LNP1: variants seen among roughly 807,000 people sequenced by gnomAD.
LNP1 encodes leukemia NUP98 fusion partner 1.
A neutral mutation model predicts 14.5 loss-of-function variants in LNP1; 12 were observed. The observed-to-expected ratio is 0.83, with a 90% CI of 0.53 to 1.34. The LOEUF is 1.34. LNP1 is among the 40% of genes most tolerant of loss of function. The pLI is 0.00. For missense variants in LNP1, 198 were observed against 210.9 expected (o/e 0.94, Z 0.38); for synonymous variants, 75 against 71.4 (o/e 1.05, Z -0.26).
intron 1 of LNP1, among the ~76,000 whole-genome samples, chr3:100,428,634 G>GA (rs1707216315): frequency 6.6e-6 from 1 of 151,618 alleles, no homozygotes; most frequent in South Asian, 2.1e-4. Context: ...TCTTTACTTT[G>GA]AAAAAAATGC....
At chr3:100,418,858 T>C (rs2148900975) in intron 1 of LNP1, among the ~76,000 whole-genome samples, 1 of 152,358 alleles carries the variant, frequency 6.6e-6, no homozygotes, top group South Asian at 2.1e-4. Context: ...ACAGGCTTTT[T>C]GTACTCACTC....
chr3:100,405,338 TG>T (rs1450081199), intron 1 of LNP1, among the ~76,000 whole-genome samples: 3 of 152,238 alleles, frequency 2.0e-5, no homozygotes, highest in Non-Finnish European at 4.4e-5. Flanking sequence ...TTCATATAAG[TG>T]AAAACTCCTA....
intron 2 of LNP1, 114 bp downstream of exon 2, chr3:100,429,999 ACTTCTGAGT>A: frequency 9.4e-7 from 1 of 1,060,500 alleles, no homozygotes. Context: ...TAAAACCAGT[ACTTCTGAGT>A]CTTTCTCATA....
At position 100,403,412 on chromosome 3, in the gene LNP1, T is replaced by C. The variant is rs572796809; in HGVS notation, c.-34+973T>C. ...AAGCTTTCTTCACCTTTGATCTGTA[T>C]CTTAGGAGGCAGTTAAATGAGATAG... is the stretch of plus-strand genomic sequence containing the variant. On this transcript the variant is annotated intron_variant, in intron 1 of 3. Transcript: ENST00000383693. Among the ~76,000 whole-genome samples, 32 of 152,264 alleles carry C rather than the reference T, an allele frequency of 2.1e-4. 1 individual carries two copies. The South Asian group carries it at 5.8e-3, about 28-fold the overall frequency.
intron 1 of LNP1, among the ~76,000 whole-genome samples, chr3:100,428,004 A>G (rs548273767): frequency 5.9e-5 from 9 of 152,364 alleles, no homozygotes; most frequent in African/African-American, 2.2e-4. Context: ...GGATTTTCGT[A>G]GGGCAAATGG....
chr3:100,439,131 A>G (rs1476301834), intron 2 of LNP1, among the ~76,000 whole-genome samples: 1 of 151,996 alleles, frequency 6.6e-6, no homozygotes, highest in East Asian at 1.9e-4. Flanking sequence ...TTGTGATCAA[A>G]CTCTTGCCAT....
At position 100,453,888 on chromosome 3, in the gene LNP1, C is replaced by G. The variant is rs148114244; in HGVS notation, c.388-1889C>G. Among the ~76,000 whole-genome samples the G allele has an allele frequency of 1.1e-3, 162 of 152,062 alleles. 1 individual carries two copies. Among genetic ancestry groups the G allele is most frequent in the African/African-American group, 3.7e-3 (155 of 41,488 alleles). On this transcript the variant is annotated intron_variant, in intron 3 of 3. Coordinates refer to ENST00000383693, the MANE Select transcript of LNP1 (RefSeq NM_001085451.2). The stretch of plus-strand genomic sequence containing the variant: ...CATAAACCTTACTTATATTTTTTTG[C>G]CAGTTGTCCCAATAATATTCTTTAT...
chr3:100,452,500 C>G (rs1255890610), intron 3 of LNP1, among the ~76,000 whole-genome samples: 1 of 152,092 alleles, frequency 6.6e-6, no homozygotes, highest in Non-Finnish European at 1.5e-5. Context: ...AGCCACCACA[C>G]CCAGCCCCCT....
chr3:100,426,078 T>C (rs1707189901), intron 1 of LNP1, among the ~76,000 whole-genome samples: 1 of 152,256 alleles, frequency 6.6e-6, no homozygotes, highest in Non-Finnish European at 1.5e-5. Context: ...CTCTGTGATG[T>C]GCTCTCCCCT....
At position 100,449,744 on chromosome 3, in the gene LNP1, C is replaced by A. The variant is rs911846956; in HGVS notation, c.157-1975C>A. ...TATACACACACATCTTGAATGTTAG[C>A]TTTTAATTAAGCTTACTTTAGTCAT... On this transcript the variant is annotated intron_variant, in intron 2 of 3. Transcript: ENST00000383693. 1.2e-4 allele frequency among the ~76,000 whole-genome samples: 19 copies of A among 152,104 alleles called. 1 individual carries two copies. Among genetic ancestry groups the A allele is most frequent in the African/African-American group, 4.1e-4 (17 of 41,416 alleles).
intron 1 of LNP1, among the ~76,000 whole-genome samples, chr3:100,415,462 A>G (rs750371610): frequency 6.6e-6 from 1 of 152,214 alleles, no homozygotes; most frequent in Non-Finnish European, 1.5e-5. Flanking sequence ...CAATATTGGC[A>G]ACAGTTTTTA....
intron 2 of LNP1, among the ~76,000 whole-genome samples, chr3:100,450,170 T>C (rs1369835575): frequency 6.6e-6 from 1 of 151,524 alleles, no homozygotes; most frequent in East Asian, 1.9e-4. Context: ...CTTTTGGATT[T>C]GATCAAGTCA....
intron 3 of LNP1, among the ~76,000 whole-genome samples, 184 bp downstream of exon 3, chr3:100,452,133 A>G (rs914698843): frequency 3.3e-5 from 5 of 152,004 alleles, no homozygotes; most frequent in African/African-American, 1.2e-4. Context: ...ATTATTTATA[A>G]TTGAAGACAT....
chr3:100,429,969 A>T, intron 2 of LNP1, 84 bp downstream of exon 2: 1 of 1,426,410 alleles, frequency 7.0e-7, no homozygotes, highest in Non-Finnish European at 9.5e-7. Context: ...GAATCTTTGG[A>T]TATAAAGTTT....
intron 1 of LNP1, among the ~76,000 whole-genome samples, chr3:100,417,733 TTATTTGAATTACAG>T (rs1707100256): frequency 6.6e-6 from 1 of 152,108 alleles, no homozygotes; most frequent in Non-Finnish European, 1.5e-5. Context: ...AGGAAAGCGT[TTATTTGAATTACAG>T]TATTTGCTCT....
chr3:100,403,129 T>A (rs1308893838), intron 1 of LNP1, among the ~76,000 whole-genome samples: 2 of 152,218 alleles, frequency 1.3e-5, no homozygotes, highest in Non-Finnish European at 2.9e-5. Context: ...CTTACTGATC[T>A]GATGCATGTT....
intron 1 of LNP1, among the ~76,000 whole-genome samples, chr3:100,424,160 C>G (rs1707171560): frequency 6.6e-6 from 1 of 152,040 alleles, no homozygotes; most frequent in Non-Finnish European, 1.5e-5. Context: ...GTCCAAATCC[C>G]TTTTTCTTTC....
intron 1 of LNP1, among the ~76,000 whole-genome samples, chr3:100,414,165 G>C (rs909016465): frequency 2.6e-5 from 4 of 152,132 alleles, no homozygotes; most frequent in Non-Finnish European, 5.9e-5. Flanking sequence ...TTTGGACGTG[G>C]CTCCTCTGGT....
At chr3:100,446,924 C>T (rs917701856) in intron 2 of LNP1, among the ~76,000 whole-genome samples, 54 of 152,082 alleles carry the variant, frequency 3.6e-4, no homozygotes, top group African/African-American at 7.2e-4. Context: ...CCAGTTAGAA[C>T]GGCAATCATT....
Sources: allele counts gnomAD v4.1 joint callset (sites outside exome capture counted in the v4.1 genomes callset), GRCh38; gene constraint gnomAD v4.1.1; transcripts MANE v1.5; gene names NCBI Gene and HGNC (gene_info 2026-07-23, HGNC 2026-07-21).